NRG3: variants seen among roughly 807,000 people sequenced by gnomAD.
NRG3 encodes the protein neuregulin 3.
NRG3 carries 31 observed loss-of-function variants against 66.9 expected under a neutral mutation model. That is an observed-to-expected ratio of 0.46 (90% CI 0.35 to 0.63). The LOEUF is 0.63. Ranked by LOEUF, NRG3 falls within the 20% of genes least tolerant of loss-of-function variation. The pLI is 0.00. For missense variants in NRG3, 910 were observed against 878.9 expected (o/e 1.04, Z -0.45); for synonymous variants, 393 against 359.4 (o/e 1.09, Z -1.06).
chr10:82,180,014 T>C (rs544743915), intron 1 of NRG3, among the ~76,000 whole-genome samples: 1 of 151,848 alleles, frequency 6.6e-6, no homozygotes, highest in Non-Finnish European at 1.5e-5. Flanking sequence ...TAAATGTAAT[T>C]ATTTTTTTAA....
chr10:82,793,970 A>G (rs926380191), intron 3 of NRG3, among the ~76,000 whole-genome samples: 5 of 152,142 alleles, frequency 3.3e-5, no homozygotes, highest in African/African-American at 9.7e-5. Context: ...TTTACCTGTA[A>G]TAGTGTAACC....
chr10:82,778,988 C>T (rs7477796), intron 3 of NRG3, among the ~76,000 whole-genome samples: 52,168 of 151,772 alleles, frequency 0.34, 10,082 homozygotes, highest in African/African-American at 0.53. Context: ...TTTCCCTGTA[C>T]GAGAATGTGG....
chr10:82,873,281 A>G (rs1841508321), intron 4 of NRG3, among the ~76,000 whole-genome samples: 1 of 152,218 alleles, frequency 6.6e-6, no homozygotes, highest in African/African-American at 2.4e-5. Context: ...TTTTTGAAAC[A>G]AAGAGAGTTG....
intron 4 of NRG3, among the ~76,000 whole-genome samples, chr10:82,900,807 T>C (rs905468176): frequency 6.6e-6 from 1 of 152,194 alleles, no homozygotes; most frequent in Non-Finnish European, 1.5e-5. Flanking sequence ...AAAGCCTTTA[T>C]TATGATAAAA....
In NRG3 at chr10:82,311,929, A is replaced by G. The variant is rs1489962707; in HGVS notation, c.824-46810A>G. Among the ~76,000 whole-genome samples, 7 of 152,206 alleles carry G rather than the reference A, an allele frequency of 4.6e-5. No homozygotes were observed. In the East Asian group the frequency reaches 1.3e-3, roughly 29 times the overall value. Reference sequence around the variant, plus strand: ...CTTTTTCAACCACCTCATCGTGATTACAGAACATTCTGGCTCTATTACTTT... The same window carrying G: ...CTTTTTCAACCACCTCATCGTGATTGCAGAACATTCTGGCTCTATTACTTT... On this transcript the variant is annotated intron_variant, in intron 1 of 8. Transcript: ENST00000372141.
At chr10:82,271,579 GAAGT>G (rs2078600486) in intron 1 of NRG3, among the ~76,000 whole-genome samples, 1 of 151,948 alleles carries the variant, frequency 6.6e-6, no homozygotes. Context: ...ATAATGTCAT[GAAGT>G]GTCTAAACAA....
intron 1 of NRG3, among the ~76,000 whole-genome samples, chr10:82,298,802 G>A (rs1357295667): frequency 6.6e-6 from 1 of 152,076 alleles, no homozygotes; most frequent in East Asian, 1.9e-4. Flanking sequence ...ATGATATAGT[G>A]GAAATTAAAG....
At chr10:82,715,345 T>C (rs770862537) in intron 2 of NRG3, among the ~76,000 whole-genome samples, 4 of 152,100 alleles carry the variant, frequency 2.6e-5, no homozygotes, top group Non-Finnish European at 5.9e-5. Context: ...TGCAGTGAGC[T>C]GAGATCTCGC....
intron 4 of NRG3, 126 bp downstream of exon 4, chr10:82,865,563 A>C: frequency 1.1e-6 from 1 of 930,206 alleles, no homozygotes; most frequent in Non-Finnish European, 1.6e-6. Flanking sequence ...TAGTAGGAAA[A>C]AATACTCTTG....
At chr10:81,897,897 AG>A (rs1843667190) in intron 1 of NRG3, among the ~76,000 whole-genome samples, 1 of 152,168 alleles carries the variant, frequency 6.6e-6, no homozygotes, top group South Asian at 2.1e-4. Flanking sequence ...TACTATCTCT[AG>A]TTTTTAATCC....
intron 1 of NRG3, among the ~76,000 whole-genome samples, chr10:82,136,971 T>C (rs1445468197): frequency 6.6e-6 from 1 of 152,230 alleles, no homozygotes; most frequent in Non-Finnish European, 1.5e-5. Context: ...CTGTCTTTCC[T>C]ACCCTCTTCA....
chr10:82,289,764 A>G (rs1258097566), intron 1 of NRG3, among the ~76,000 whole-genome samples: 1 of 152,218 alleles, frequency 6.6e-6, no homozygotes, highest in African/African-American at 2.4e-5. Context: ...AAGAGTTCTT[A>G]AAATAATGAT....
intron 1 of NRG3, among the ~76,000 whole-genome samples, chr10:81,953,391 T>C (rs555460131): frequency 2.0e-5 from 3 of 152,184 alleles, no homozygotes; most frequent in Non-Finnish European, 4.4e-5. Context: ...CCAGAGAATC[T>C]TATAACTTGG....
At chr10:82,721,392 C>T (rs2057312995) in intron 2 of NRG3, among the ~76,000 whole-genome samples, 1 of 151,834 alleles carries the variant, frequency 6.6e-6, no homozygotes, top group African/African-American at 2.4e-5. Flanking sequence ...CCTGCTTCGG[C>T]CTCCCAAAAT....
chr10:82,151,450 G>A (rs1239473814), intron 1 of NRG3, among the ~76,000 whole-genome samples: 1 of 152,144 alleles, frequency 6.6e-6, no homozygotes, highest in Admixed American at 6.5e-5. Context: ...TCAGATGGGA[G>A]ATGAGGATCA....
intron 1 of NRG3, among the ~76,000 whole-genome samples, chr10:82,162,021 G>A (rs1312776192): frequency 1.3e-5 from 2 of 151,992 alleles, no homozygotes; most frequent in Non-Finnish European, 2.9e-5. Flanking sequence ...ATGACTTGCC[G>A]GAAGCTTATA....
intron 6 of NRG3, among the ~76,000 whole-genome samples, chr10:82,962,626 G>A (rs1850771198): frequency 6.6e-6 from 1 of 152,094 alleles, no homozygotes; most frequent in Admixed American, 6.5e-5. Flanking sequence ...ATCACCTGAG[G>A]TCGGGAGTTC....
chr10:82,107,723 T>A (rs1177736278), intron 1 of NRG3, among the ~76,000 whole-genome samples: 1 of 152,196 alleles, frequency 6.6e-6, no homozygotes, highest in Non-Finnish European at 1.5e-5. Flanking sequence ...CATTTCTCTT[T>A]TTCTGTAAAG....
At chr10:82,172,722 T>C (rs2072725554) in intron 1 of NRG3, among the ~76,000 whole-genome samples, 1 of 152,094 alleles carries the variant, frequency 6.6e-6, no homozygotes, top group Non-Finnish European at 1.5e-5. Context: ...AATGGTCTCC[T>C]CATTCTAACT....
Sources: gnomAD v4.1 joint callset for allele counts (sites outside exome capture counted in the v4.1 genomes callset) on GRCh38, gnomAD v4.1.1 for gene constraint, MANE v1.5 for transcripts, NCBI Gene and HGNC (gene_info 2026-07-23, HGNC 2026-07-21) for gene names.